KIF13B: variants seen among roughly 807,000 people sequenced by gnomAD.
The protein encoded by KIF13B is kinesin family member 13B, also known as kinesin-like protein KIF13B.
A neutral mutation model predicts 222.0 loss-of-function variants in KIF13B; 127 were observed. The observed-to-expected ratio is 0.57, with a 90% CI of 0.50 to 0.66. The LOEUF is 0.66. Ranked by LOEUF, KIF13B falls within the 30% of genes least tolerant of loss-of-function variation. The probability of loss-of-function intolerance (pLI) is 0.00; values close to 1 mark genes in which losing one functional copy is unlikely to be tolerated. For missense variants in KIF13B, 2,173 were observed against 2,379.0 expected, an observed-to-expected ratio of 0.91 and a Z score of 1.80; for synonymous variants, 976 against 919.0, an observed-to-expected ratio of 1.06 and a Z score of -1.12.
At chr8:29,141,586 C>T (rs1464009992) in intron 19 of KIF13B, among the ~76,000 whole-genome samples, 1 of 152,172 alleles carries the variant, frequency 6.6e-6, no homozygotes, top group Non-Finnish European at 1.5e-5. Flanking sequence ...TTCAGACATA[C>T]ATAATATGCA....
In KIF13B at chr8:29,071,632, C is replaced by G. The variant is rs1209996212; in HGVS notation, c.5206G>C (p.Asp1736His). The G allele has an allele frequency of 3.9e-6, 6 of 1,552,628 alleles. No homozygotes were observed. Among genetic ancestry groups the G allele is most frequent in the Non-Finnish European group, 5.2e-6 (6 of 1,148,920 alleles). The change falls in exon 39 of 40, where the codon GAC becomes CAC. Residue 1736 changes from aspartate to histidine, a missense_variant. Physicochemically the swap from Asp to His is moderately conservative, Grantham distance 81 (BLOSUM62 -1). Transcript: ENST00000524189. This position sits in a 1 kb window ranked among gnomAD's most constrained non-coding sequence, Gnocchi z 4.9. ...GCCCGGTACCCACCTGAGGGCAGGTCGAGCTCCACGCCGACCCACGTGCCC... is the reference window on the plus strand; with the variant it reads ...GCCCGGTACCCACCTGAGGGCAGGTGGAGCTCCACGCCGACCCACGTGCCC... ...QEGTWVGVEL[D>H]LPSGKNDGSI...
intron 25 of KIF13B, 100 bp downstream of exon 25, chr8:29,127,022 G>GTTTATAAAAATGTTTATAAAAAT: frequency 9.7e-7 from 1 of 1,030,362 alleles, no homozygotes. Context: ...AGAGATTCAC[G>GTTTATAAAAATGTTTATAAAAAT]GAAAGAAATG....
chr8:29,090,986 G>A (rs1213914538), intron 37 of KIF13B, among the ~76,000 whole-genome samples: 1 of 152,122 alleles, frequency 6.6e-6, no homozygotes, highest in Non-Finnish European at 1.5e-5. Flanking sequence ...CCTGAGGGCT[G>A]GGGTTATAGG....
Position 29,152,781 on chromosome 8 carries a change from T to C in KIF13B, c.1536-2398A>G, listed in dbSNP as rs117024978. Among the ~76,000 whole-genome samples, 685 of 152,288 alleles carry C rather than the reference T, an allele frequency of 4.5e-3. 7 individuals carry two copies. The highest frequency in any genetic ancestry group is 6.5e-3 in the Non-Finnish European group (441 of 68,026). On this transcript the variant is annotated intron_variant, in intron 14 of 39. Coordinates refer to ENST00000524189, the MANE Select transcript of KIF13B (RefSeq NM_015254.4). The stretch of plus-strand genomic sequence containing the variant: ...CTAGTAGAGACAGGGTCTTGCCATG[T>C]TGGTCAGGCTAGTCATGAACTCCTG...
chr8:29,168,636 C>G (rs1289839589), intron 10 of KIF13B, among the ~76,000 whole-genome samples: 2 of 152,160 alleles, frequency 1.3e-5, no homozygotes, highest in Non-Finnish European at 2.9e-5. Context: ...CCCACAGGCA[C>G]GAGTTTGGAA....
chr8:29,259,798 A>G (rs1816616190), intron 1 of KIF13B, among the ~76,000 whole-genome samples: 1 of 152,238 alleles, frequency 6.6e-6, no homozygotes, highest in Non-Finnish European at 1.5e-5. Context: ...CTGAACAACA[A>G]CACTGGAAAA....
intron 2 of KIF13B, among the ~76,000 whole-genome samples, chr8:29,202,123 G>A (rs1813718899): frequency 6.6e-6 from 1 of 152,138 alleles, no homozygotes; most frequent in African/African-American, 2.4e-5. Flanking sequence ...GAGGCGGGGG[G>A]ATTTGAAAAC....
intron 16 of KIF13B, 83 bp downstream of exon 16, chr8:29,148,493 TG>T (rs1811158684): frequency 2.0e-6 from 2 of 997,420 alleles, no homozygotes; most frequent in African/African-American, 1.6e-5. Context: ...CACTGCAGCC[TG>T]GAACTCCTGG....
intron 10 of KIF13B, among the ~76,000 whole-genome samples, chr8:29,174,054 T>C (rs891060731): frequency 5.3e-5 from 8 of 152,282 alleles, no homozygotes; most frequent in Non-Finnish European, 1.0e-4. Context: ...AGTAATATAA[T>C]TGATTACTAC....
At chr8:29,245,701 A>G (rs35905041) in intron 1 of KIF13B, among the ~76,000 whole-genome samples, 44,523 of 151,992 alleles carry the variant, frequency 0.29, 8,459 homozygotes, top group East Asian at 0.64. Context: ...ATTTCTACTC[A>G]CCACTGTACT....
At chr8:29,238,385 G>C (rs1196089923) in intron 2 of KIF13B, among the ~76,000 whole-genome samples, 6 of 152,148 alleles carry the variant, frequency 3.9e-5, no homozygotes. Flanking sequence ...ACATCCACCA[G>C]GGTCAGAGTA....
At chr8:29,085,705 CTT>C (rs71222589) in intron 37 of KIF13B, among the ~76,000 whole-genome samples, 2,004 of 48,720 alleles carry the variant, frequency 0.041, 78 homozygotes, top group Admixed American at 0.14. Context: ...AAATACTCTT[CTT>C]TTTTTTTTTT....
chr8:29,225,047 G>T lies in KIF13B; in HGVS notation c.149+20299C>A, dbSNP rs146731035. 1.1e-4 allele frequency among the ~76,000 whole-genome samples: 17 copies of T among 152,316 alleles called. No individual in the cohort carries two copies. The East Asian group carries it at 3.3e-3, about 29-fold the overall frequency. On this transcript the variant is annotated intron_variant, in intron 2 of 39. Coordinates refer to ENST00000524189, the MANE Select transcript of KIF13B (RefSeq NM_015254.4). ...AAGGAAAAAAGTGGAGAGAAGGAAT[G>T]AAAGTTGTCATTACTGTTATTCCTT... is the stretch of plus-strand genomic sequence containing the variant.
At chr8:29,249,744 T>C (rs1816199220) in intron 1 of KIF13B, among the ~76,000 whole-genome samples, 2 of 152,208 alleles carry the variant, frequency 1.3e-5, no homozygotes, top group African/African-American at 4.8e-5. Context: ...TAGTGGTCTC[T>C]CCTTTAGCCA....
At chr8:29,263,182 C>T (rs1816755809), upstream of KIF13B, 8 of 671,220 alleles carry the variant, frequency 1.2e-5, no homozygotes, top group Middle Eastern at 4.2e-4. Context: ...CGGGCGCTCC[C>T]CGCTGTATGG....
At chr8:29,233,088 G>A (rs1326893125) in intron 2 of KIF13B, among the ~76,000 whole-genome samples, 1 of 152,160 alleles carries the variant, frequency 6.6e-6, no homozygotes, top group African/African-American at 2.4e-5. Flanking sequence ...CCCGAGAGGT[G>A]GAGGTTGCAG....
At chr8:29,133,765 G>T (rs76210851) in intron 22 of KIF13B, among the ~76,000 whole-genome samples, 2,724 of 152,272 alleles carry the variant, frequency 0.018, 52 homozygotes, top group African/African-American at 0.048. Context: ...AACTGTTTTA[G>T]ATAATTTCTT....
At chr8:29,209,393 T>C (rs904106631) in intron 2 of KIF13B, among the ~76,000 whole-genome samples, 1 of 152,062 alleles carries the variant, frequency 6.6e-6, no homozygotes, top group Admixed American at 6.6e-5. Context: ...TACCTAAGCC[T>C]CAGAAATCCA....
At chr8:29,123,734 C>T (rs1001118126) in intron 27 of KIF13B, among the ~76,000 whole-genome samples, 10 of 152,158 alleles carry the variant, frequency 6.6e-5, no homozygotes, top group African/African-American at 1.9e-4. Flanking sequence ...AGGACTCGAG[C>T]CCTTTGGATA....
Sources: gnomAD v4.1 joint callset for allele counts (sites outside exome capture counted in the v4.1 genomes callset) on GRCh38, gnomAD v4.1.1 for gene constraint, Gnocchi (gnomAD v3.1) non-coding constraint, MANE v1.5 for transcripts, NCBI Gene and HGNC (gene_info 2026-07-23, HGNC 2026-07-21) for gene names.